DYNC1I1: variants seen among roughly 807,000 people sequenced by gnomAD.
The protein encoded by DYNC1I1 is cytoplasmic dynein 1 intermediate chain 1.
DYNC1I1 carries 43 observed loss-of-function variants against 86.6 expected under a neutral mutation model. The ratio of observed to expected loss-of-function variants is 0.50; its 90% CI spans 0.39 to 0.64. The LOEUF (loss-of-function observed/expected upper bound fraction) is 0.64, where lower values mean the gene tolerates loss of function less well. Among genes scored for constraint, DYNC1I1 ranks in the 30% least tolerant of loss-of-function variants. The pLI is 0.00. For missense variants in DYNC1I1, 604 were observed against 788.8 expected (o/e 0.77, Z 2.81); for synonymous variants, 262 against 283.7 (o/e 0.92, Z 0.77).
rs1794372471 is a variant in DYNC1I1 at position 96,015,238 on chromosome 7, T to C, written c.970-12937T>C. ...TTTATTATGATAATTGACTGACACA[T>C]ACATTGGGTGTACTCTAACATATGT... On this transcript the variant is annotated intron_variant, in intron 10 of 16. Transcript: ENST00000447467. 2.6e-5 allele frequency among the ~76,000 whole-genome samples: 4 copies of C among 152,200 alleles called. No individual in the cohort carries two copies. In the South Asian group the frequency reaches 8.3e-4, roughly 31 times the overall value.
At chr7:95,892,573 A>C (rs1489700482) in intron 6 of DYNC1I1, among the ~76,000 whole-genome samples, 1 of 152,114 alleles carries the variant, frequency 6.6e-6, no homozygotes, top group East Asian at 1.9e-4. Context: ...AGCCTCCCAA[A>C]GTGCTGGGAT....
intron 6 of DYNC1I1, among the ~76,000 whole-genome samples, chr7:95,935,326 A>G (rs1348560228): frequency 6.6e-6 from 1 of 152,092 alleles, no homozygotes; most frequent in Non-Finnish European, 1.5e-5. Context: ...TTAAGGCTGA[A>G]TAGTATTCCG....
At chr7:95,830,749 T>TAG (rs1795303229) in intron 5 of DYNC1I1, among the ~76,000 whole-genome samples, 1 of 152,194 alleles carries the variant, frequency 6.6e-6, no homozygotes, top group Non-Finnish European at 1.5e-5. Context: ...AATCATATAG[T>TAG]AGATACACAT....
intron 14 of DYNC1I1, among the ~76,000 whole-genome samples, chr7:96,041,407 A>T (rs1185315438): frequency 6.6e-6 from 1 of 152,208 alleles, no homozygotes; most frequent in East Asian, 1.9e-4. Context: ...GTGGAAGAGG[A>T]TTTAGCAATA....
rs1793546452 is a variant in DYNC1I1, at chr7:95,984,900, G to A, written c.666G>A (p.Arg222=). 2 of 1,613,582 alleles carry A rather than the reference G, an allele frequency of 1.2e-6. No homozygotes were observed. The highest frequency in any genetic ancestry group is 1.7e-6 in the Non-Finnish European group (2 of 1,179,728). Reference sequence around the variant, plus strand: ...TCATCTTTTTTGACCGGACAATACGGGTAATTGAAAGAGCCCTGGCTGAAG... The same window carrying A: ...TCATCTTTTTTGACCGGACAATACGAGTAATTGAAAGAGCCCTGGCTGAAG... The part of the protein sequence containing the change: ...EFLIFFDRTI[R]VIERALAEDS... Residue 222 remains arginine, a synonymous_variant, in exon 8 of 17, where the codon CGG becomes CGA. Transcript: ENST00000447467.
At chr7:95,936,841 T>A (rs919173752) in intron 6 of DYNC1I1, among the ~76,000 whole-genome samples, 15 of 151,896 alleles carry the variant, frequency 9.9e-5, no homozygotes, top group Non-Finnish European at 1.9e-4. Context: ...GGGACAAGAC[T>A]GTATTAGGTT....
chr7:95,804,495 C>T, intron 1 of DYNC1I1: 2 of 858,610 alleles, frequency 2.3e-6, no homozygotes, highest in Non-Finnish European at 3.3e-6. Context: ...TGTATTTCTT[C>T]AGATATTTAT....
At chr7:96,026,023 C>T (rs537379262) in intron 10 of DYNC1I1, among the ~76,000 whole-genome samples, 4 of 152,204 alleles carry the variant, frequency 2.6e-5, no homozygotes, top group Middle Eastern at 3.4e-3. Flanking sequence ...AAGTTTCCAA[C>T]GTAGCTCCAG....
chr7:95,774,695 C>T (rs78497367), intron 1 of DYNC1I1, among the ~76,000 whole-genome samples: 2,866 of 152,178 alleles, frequency 0.019, 90 homozygotes, highest in African/African-American at 0.065. Flanking sequence ...TACTCCTTCC[C>T]GAGTCTACGT....
intron 16 of DYNC1I1, among the ~76,000 whole-genome samples, chr7:96,104,933 G>A (rs1432512413): frequency 2.6e-5 from 4 of 151,940 alleles, no homozygotes; most frequent in Non-Finnish European, 5.9e-5. Context: ...ATTTTGATTG[G>A]AATTTCACTG....
intron 10 of DYNC1I1, among the ~76,000 whole-genome samples, chr7:96,019,093 A>G (rs1481757185): frequency 2.6e-5 from 4 of 152,188 alleles, no homozygotes; most frequent in Non-Finnish European, 5.9e-5. Flanking sequence ...TCTATGGTAT[A>G]CAACATGATG....
intron 6 of DYNC1I1, among the ~76,000 whole-genome samples, chr7:95,900,294 C>T (rs1791003183): frequency 6.6e-6 from 1 of 152,114 alleles, no homozygotes; most frequent in African/African-American, 2.4e-5. Flanking sequence ...TGCCACAAAC[C>T]ATTGCAAAAC....
intron 10 of DYNC1I1, among the ~76,000 whole-genome samples, chr7:96,016,011 A>G (rs1015475138): frequency 1.2e-4 from 19 of 152,146 alleles, no homozygotes; most frequent in Non-Finnish European, 2.6e-4. Context: ...ACATAAGCAT[A>G]TCTAAGTCAT....
intron 16 of DYNC1I1, among the ~76,000 whole-genome samples, chr7:96,097,213 T>G (rs370871052): frequency 3.9e-5 from 6 of 152,222 alleles, no homozygotes; most frequent in East Asian, 3.9e-4. Context: ...TTGATGTGGC[T>G]ACTGTAATTG....
chr7:95,792,961 G>A (rs1794343305), intron 1 of DYNC1I1, among the ~76,000 whole-genome samples: 1 of 152,062 alleles, frequency 6.6e-6, no homozygotes, highest in Non-Finnish European at 1.5e-5. Context: ...ATGGAGAGGT[G>A]GGAAATAAGA....
chr7:96,064,210 ATCTCTCTCTCTC>A (rs10557179), intron 14 of DYNC1I1, among the ~76,000 whole-genome samples: 56 of 140,984 alleles, frequency 4.0e-4, no homozygotes, highest in Middle Eastern at 3.6e-3. Context: ...AAATATTCAT[ATCTCTCTCTCTC>A]TCTCTCTCTC....
At chr7:96,043,602 T>G (rs953367629) in intron 14 of DYNC1I1, among the ~76,000 whole-genome samples, 19 of 151,700 alleles carry the variant, frequency 1.3e-4, no homozygotes, top group Admixed American at 1.1e-3. Flanking sequence ...AATATGGATC[T>G]TACATAGATC....
chr7:95,993,111 T>C (rs1037642708), intron 9 of DYNC1I1, among the ~76,000 whole-genome samples: 1 of 152,182 alleles, frequency 6.6e-6, no homozygotes, highest in African/African-American at 2.4e-5. Context: ...AATAATTGTT[T>C]AGAGATTTTT....
intron 6 of DYNC1I1, among the ~76,000 whole-genome samples, chr7:95,919,089 G>A (rs998771452): frequency 5.3e-5 from 8 of 152,160 alleles, no homozygotes; most frequent in Admixed American, 1.3e-4. Context: ...ACAACATGCT[G>A]ATTGTTTGCT....
Sources: gnomAD v4.1 joint callset for allele counts (sites outside exome capture counted in the v4.1 genomes callset) on GRCh38, gnomAD v4.1.1 for gene constraint, MANE v1.5 for transcripts, NCBI Gene and HGNC (gene_info 2026-07-23, HGNC 2026-07-21) for gene names.